REC114: variants seen among roughly 807,000 people sequenced by gnomAD.
The protein encoded by REC114 is REC114 meiotic recombination protein, also known as meiotic recombination protein REC114.
A neutral mutation model predicts 31.3 loss-of-function variants in REC114; 27 were observed. That is an observed-to-expected ratio of 0.86 (90% CI 0.64 to 1.19). REC114 has a LOEUF of 1.19. REC114 is among the 50% of genes most tolerant of loss of function. The pLI, the probability that REC114 is intolerant of heterozygous loss-of-function variation, is 0.00. For missense variants in REC114, 344 were observed against 326.9 expected (o/e 1.05, Z -0.40); for synonymous variants, 134 against 127.7 (o/e 1.05, Z -0.33).
Position 73,532,699 on chromosome 15 carries a change from C to T in REC114, c.250-7786C>T, listed in dbSNP as rs1454740737. Among the ~76,000 whole-genome samples the T allele has an allele frequency of 5.3e-5, 8 of 152,148 alleles. No homozygotes were observed. The East Asian group carries it at 1.5e-3, about 29-fold the overall frequency. On this transcript the variant is annotated intron_variant, in intron 2 of 5. Transcript: ENST00000331090. ...AAATACAGAGAATGCCACAAAGATA[C>T]TCCTCGAGAAGAGCAACTCCAAGGC...
intron 3 of REC114, among the ~76,000 whole-genome samples, chr15:73,545,478 C>G (rs1326125200): frequency 6.6e-6 from 1 of 152,138 alleles, no homozygotes; most frequent in Non-Finnish European, 1.5e-5. Context: ...GATGGAGATA[C>G]AACTAATTTT....
intron 4 of REC114, among the ~76,000 whole-genome samples, chr15:73,555,797 AATC>A (rs1894458741): frequency 6.6e-6 from 1 of 152,242 alleles, no homozygotes; most frequent in South Asian, 2.1e-4. Context: ...GATTTAAAAA[AATC>A]ATTTTATTGA....
intron 2 of REC114, among the ~76,000 whole-genome samples, chr15:73,500,362 A>AC (rs1555487151): frequency 4.6e-5 from 7 of 151,936 alleles, no homozygotes; most frequent in Non-Finnish European, 8.8e-5. Flanking sequence ...CAAAAAAAAA[A>AC]AAAAAACTTG....
intron 2 of REC114, among the ~76,000 whole-genome samples, chr15:73,491,141 A>C (rs1346271512): frequency 2.5e-5 from 2 of 79,618 alleles, no homozygotes; most frequent in African/African-American, 8.8e-5. Flanking sequence ...TTATGAGTAG[A>C]GCTGTTATGA....
chr15:73,475,963 A>G (rs998075748), intron 2 of REC114, among the ~76,000 whole-genome samples: 3 of 152,178 alleles, frequency 2.0e-5, no homozygotes, highest in Admixed American at 2.0e-4. Context: ...CATATTTAGC[A>G]TTGTGTTAGT....
chr15:73,503,873 T>A (rs1474464977), intron 2 of REC114, among the ~76,000 whole-genome samples: 1 of 152,070 alleles, frequency 6.6e-6, no homozygotes, highest in Admixed American at 6.6e-5. Context: ...TTTTTCCCAG[T>A]CTGTTATTGG....
intron 2 of REC114, among the ~76,000 whole-genome samples, chr15:73,514,309 C>T (rs957332586): frequency 1.3e-5 from 2 of 151,622 alleles, no homozygotes; most frequent in Non-Finnish European, 2.9e-5. Context: ...GGCTCGCGCA[C>T]GGTGCGCGCA....
At chr15:73,463,276 G>A (rs190317358) in intron 1 of REC114, among the ~76,000 whole-genome samples, 13 of 152,150 alleles carry the variant, frequency 8.5e-5, no homozygotes, top group Non-Finnish European at 1.5e-4. Context: ...TCTCAGTCTG[G>A]ATTTTGCTGA....
intron 1 of REC114, among the ~76,000 whole-genome samples, chr15:73,469,684 T>TC (rs1364322755): frequency 6.7e-6 from 1 of 149,336 alleles, no homozygotes; most frequent in East Asian, 1.9e-4. Flanking sequence ...TAGACTCTTT[T>TC]TTTTTTTTTT....
chr15:73,491,229 G>A (rs62015519), intron 2 of REC114, among the ~76,000 whole-genome samples: 1 of 1,190 alleles, frequency 8.4e-4, no homozygotes, highest in African/African-American at 9.8e-4. Flanking sequence ...TATTATCTTT[G>A]TGTACTATCT....
chr15:73,510,017 GT>G (rs1893739679), intron 2 of REC114, among the ~76,000 whole-genome samples: 5 of 151,974 alleles, frequency 3.3e-5, no homozygotes, highest in African/African-American at 4.8e-5. Context: ...CATTGAATCT[GT>G]AAATTACCTT....
chr15:73,506,058 A>G (rs1315570651), intron 2 of REC114, among the ~76,000 whole-genome samples: 1 of 152,034 alleles, frequency 6.6e-6, no homozygotes, highest in Non-Finnish European at 1.5e-5. Context: ...TCCTTTTTGT[A>G]AACAAATGTT....
chr15:73,503,725 T>G (rs1490966757), intron 2 of REC114, among the ~76,000 whole-genome samples: 2 of 152,168 alleles, frequency 1.3e-5, no homozygotes, highest in Non-Finnish European at 2.9e-5. Context: ...ATTGGCAATT[T>G]GGGTTTCCTC....
chr15:73,445,923 C>G (rs1892758525), intron 1 of REC114, among the ~76,000 whole-genome samples: 1 of 152,124 alleles, frequency 6.6e-6, no homozygotes, highest in Non-Finnish European at 1.5e-5. Context: ...GAAGTGAACA[C>G]ATGCTATTAG....
intron 2 of REC114, among the ~76,000 whole-genome samples, chr15:73,525,269 CTTT>C (rs900187111): frequency 6.6e-6 from 1 of 152,112 alleles, no homozygotes; most frequent in Non-Finnish European, 1.5e-5. Flanking sequence ...TGTCTTCTCA[CTTT>C]TTATTCTTGA....
intron 2 of REC114, among the ~76,000 whole-genome samples, chr15:73,480,107 T>C (rs1351100165): frequency 9.2e-5 from 14 of 152,290 alleles, no homozygotes; most frequent in Middle Eastern, 3.4e-3. Context: ...TCTTGTCTTC[T>C]GTCTCTTTAA....
chr15:73,503,313 T>C (rs1893626443), intron 2 of REC114, among the ~76,000 whole-genome samples: 1 of 152,178 alleles, frequency 6.6e-6, no homozygotes, highest in Admixed American at 6.5e-5. Context: ...ACACAACTCA[T>C]AGAACTGTAT....
chr15:73,548,165 G>C (rs899320895), intron 3 of REC114, among the ~76,000 whole-genome samples: 5 of 152,130 alleles, frequency 3.3e-5, no homozygotes, highest in African/African-American at 1.2e-4. Flanking sequence ...CTGGAGTGCA[G>C]TGGTGTGCTC....
intron 2 of REC114, among the ~76,000 whole-genome samples, chr15:73,486,246 C>T (rs140705156): frequency 3.6e-4 from 55 of 152,286 alleles, no homozygotes; most frequent in African/African-American, 1.2e-3. Flanking sequence ...TGCAGGCACG[C>T]ACCACCATGC....
Sources: gnomAD v4.1 joint callset for allele counts (sites outside exome capture counted in the v4.1 genomes callset) on GRCh38, gnomAD v4.1.1 for gene constraint, MANE v1.5 for transcripts, NCBI Gene and HGNC (gene_info 2026-07-23, HGNC 2026-07-21) for gene names.